The following UNC80 variants were observed in gnomAD, a reference collection of about 807,000 sequenced individuals.
UNC80 encodes unc-80 subunit of NALCN channel complex, also known as protein unc-80 homolog.
A neutral mutation model predicts 384.6 loss-of-function variants in UNC80; 164 were observed. The observed-to-expected ratio is 0.43, with a 90% CI of 0.38 to 0.49. UNC80 has a LOEUF of 0.49. Ranked by LOEUF, UNC80 falls within the 20% of genes least tolerant of loss-of-function variation. UNC80 has a pLI of 0.00. For synonymous variants in UNC80, 1,486 were observed against 1,527.8 expected, an observed-to-expected ratio of 0.97 and a Z score of 0.64; for missense variants, 3,330 against 4,143.0, an observed-to-expected ratio of 0.80 and a Z score of 5.39.
intron 39 of UNC80, 28 bp downstream of exon 39, chr2:209,934,033 T>C: frequency 6.7e-7 from 1 of 1,498,974 alleles, no homozygotes; most frequent in Non-Finnish European, 8.9e-7. Context: ...TTTAGTAACA[T>C]AACTTTAAAA....
At chr2:209,882,327 C>T (rs559256915) in intron 25 of UNC80, among the ~76,000 whole-genome samples, 8 of 152,182 alleles carry the variant, frequency 5.3e-5, no homozygotes, top group African/African-American at 9.6e-5. Context: ...CAAGGCCAGG[C>T]GGTGTGGGGA....
chr2:209,773,038 G>A, intron 1 of UNC80, 56 bp from the exon 2 acceptor site: 1 of 1,353,484 alleles, frequency 7.4e-7, no homozygotes, highest in Admixed American at 1.8e-5. Flanking sequence ...TCACAAGGAT[G>A]CTTTAATAAT....
intron 38 of UNC80, 108 bp from the exon 39 acceptor site, chr2:209,933,714 A>G: frequency 1.0e-6 from 1 of 965,024 alleles, no homozygotes; most frequent in South Asian, 1.9e-5. Flanking sequence ...AACAGAGAAT[A>G]TGAAGGCACA....
chr2:209,947,880 A>G (rs2091983966), intron 47 of UNC80, among the ~76,000 whole-genome samples: 1 of 152,190 alleles, frequency 6.6e-6, no homozygotes, highest in Non-Finnish European at 1.5e-5. Flanking sequence ...GATTTCTAAT[A>G]TGATAAATCA....
At chr2:209,873,108 A>G in intron 23 of UNC80, 138 bp downstream of exon 23, 1 of 730,244 alleles carries the variant, frequency 1.4e-6, no homozygotes, top group South Asian at 1.9e-5. Context: ...CACTTTGGGA[A>G]AAAATAAGCA....
intron 7 of UNC80, chr2:209,809,236 C>A: frequency 1.4e-6 from 1 of 699,972 alleles, no homozygotes; most frequent in Non-Finnish European, 2.7e-6. Flanking sequence ...TTCCCAGTTT[C>A]AAAAAGCCTT....
At chr2:209,837,773 CTTTTT>C (rs747171151) in intron 18 of UNC80, among the ~76,000 whole-genome samples, 1 of 141,458 alleles carries the variant, frequency 7.1e-6, no homozygotes. Flanking sequence ...GTACCTACAT[CTTTTT>C]TTTTTTTTTT....
At chr2:209,940,281 G>A (rs568449758) in intron 43 of UNC80, among the ~76,000 whole-genome samples, 1 of 152,268 alleles carries the variant, frequency 6.6e-6, no homozygotes, top group South Asian at 2.1e-4. Flanking sequence ...AGGGGCAGAA[G>A]GGTGATGAAA....
At chr2:209,804,633 C>T (rs997275852) in intron 7 of UNC80, among the ~76,000 whole-genome samples, 8 of 151,796 alleles carry the variant, frequency 5.3e-5, no homozygotes, top group Non-Finnish European at 1.2e-4. Flanking sequence ...TTTTGTGCTT[C>T]TGTTGAACCT....
intron 47 of UNC80, among the ~76,000 whole-genome samples, chr2:209,953,808 AT>A (rs1241058187): frequency 2.6e-5 from 4 of 152,210 alleles, no homozygotes; most frequent in Admixed American, 6.5e-5. Flanking sequence ...AGCTCCACCT[AT>A]TATCATTCTG....
intron 22 of UNC80, among the ~76,000 whole-genome samples, chr2:209,856,350 A>G (rs2082918399): frequency 6.6e-6 from 1 of 152,026 alleles, no homozygotes. Context: ...GTCAATATTA[A>G]TCTTTTTTCT....
intron 10 of UNC80, 56 bp downstream of exon 10, chr2:209,817,181 G>A (rs917671250): frequency 5.4e-6 from 8 of 1,479,426 alleles, no homozygotes; most frequent in Non-Finnish European, 7.4e-6. Context: ...TTTAGAACTG[G>A]ATCTAGGGCT....
chr2:209,996,706 TG>T lies in UNC80; in HGVS notation c.*1112del, dbSNP rs2093488417. On this transcript the variant is annotated 3_prime_UTR_variant, in exon 65 of 65. Coordinates refer to ENST00000673920, the MANE Select transcript of UNC80 (RefSeq NM_001371986.1). ...TGAAGTTCAATTACTTCAAGAAAAG[TG>T]TAACACTTAGAAGGCTTGTGAGGCC... The T allele has an allele frequency of 6.6e-6, 1 of 152,208 alleles. No individual in the cohort carries two copies. Among genetic ancestry groups the T allele is most frequent in the Non-Finnish European group, 1.5e-5 (1 of 68,028 alleles). The allele number at this position is 152,208 out of a possible 1,614,324, so 9.4% of individuals were successfully genotyped here. A position where few individuals can be genotyped will look rare whatever the true frequency, so the allele number is the denominator to read the frequency against.
intron 35 of UNC80, among the ~76,000 whole-genome samples, chr2:209,925,016 G>T (rs866477736): frequency 4.6e-5 from 7 of 151,912 alleles, no homozygotes; most frequent in Non-Finnish European, 7.4e-5. Flanking sequence ...AATTTTCAAG[G>T]CTCCTAAGGA....
intron 44 of UNC80, among the ~76,000 whole-genome samples, chr2:209,941,775 T>C (rs1041641670): frequency 6.6e-6 from 1 of 152,134 alleles, no homozygotes; most frequent in Admixed American, 6.5e-5. Context: ...TGGAAACTTG[T>C]TGGAAATGTA....
intron 14 of UNC80, among the ~76,000 whole-genome samples, chr2:209,828,109 G>A (rs1439343498): frequency 6.6e-6 from 1 of 151,852 alleles, no homozygotes; most frequent in Non-Finnish European, 1.5e-5. Context: ...GCCTTTTTTG[G>A]TGTATTTTAT....
intron 31 of UNC80, among the ~76,000 whole-genome samples, chr2:209,914,649 C>CTGTG (rs200222549): frequency 0.2 from 25,773 of 128,168 alleles, 2,349 homozygotes; most frequent in South Asian, 0.29. Context: ...CTAGGGTAAA[C>CTGTG]TGTGTGTGTG....
intron 43 of UNC80, among the ~76,000 whole-genome samples, chr2:209,940,630 A>G (rs1043693856): frequency 1.3e-5 from 2 of 152,124 alleles, no homozygotes; most frequent in Non-Finnish European, 2.9e-5. Context: ...CCTGGCCAAC[A>G]TGGCGAAACC....
chr2:209,850,481 G>A (rs575010372), intron 22 of UNC80, among the ~76,000 whole-genome samples: 13 of 152,094 alleles, frequency 8.5e-5, no homozygotes, highest in African/African-American at 3.1e-4. Flanking sequence ...AGTGACCAGT[G>A]GTCACTCATA....
Sources: allele counts gnomAD v4.1 joint callset (sites outside exome capture counted in the v4.1 genomes callset), GRCh38; gene constraint gnomAD v4.1.1; transcripts MANE v1.5; gene names NCBI Gene and HGNC (gene_info 2026-07-23, HGNC 2026-07-21).